Variants in ZDHHC17 observed in about 807,000 individuals in gnomAD.
The protein encoded by ZDHHC17 is zDHHC palmitoyltransferase 17.
A neutral mutation model predicts 90.3 loss-of-function variants in ZDHHC17; 40 were observed. The ratio of observed to expected loss-of-function variants is 0.44; its 90% CI spans 0.34 to 0.58. ZDHHC17 has a LOEUF of 0.58. Ranked by LOEUF, ZDHHC17 falls within the 20% of genes least tolerant of loss-of-function variation. The pLI, the probability that ZDHHC17 is intolerant of heterozygous loss-of-function variation, is 0.01. For synonymous variants in ZDHHC17, 235 were observed against 252.4 expected, an observed-to-expected ratio of 0.93 and a Z score of 0.65; for missense variants, 614 against 780.8, an observed-to-expected ratio of 0.79 and a Z score of 2.55.
At chr12:76,832,209 C>A (rs573591061) in intron 10 of ZDHHC17, among the ~76,000 whole-genome samples, 1 of 152,278 alleles carries the variant, frequency 6.6e-6, no homozygotes, top group African/African-American at 2.4e-5. Flanking sequence ...GGATGTTAGA[C>A]AGGAAATAGC....
chr12:76,788,688 A>ATTTTTTTTTTTT lies in ZDHHC17; in HGVS notation c.94-8731_94-8720dup, dbSNP rs763269507. Among the ~76,000 whole-genome samples the ATTTTTTTTTTTT allele has an allele frequency of 2.5e-3, 248 of 98,666 alleles. 15 individuals carry two copies. Among genetic ancestry groups the ATTTTTTTTTTTT allele is most frequent in the African/African-American group, 4.9e-3 (123 of 25,132 alleles). The allele number at this position is 98,666 out of a possible 152,430, so 64.7% of individuals were successfully genotyped here. A position where few individuals can be genotyped will look rare whatever the true frequency, so the allele number is the denominator to read the frequency against. On this transcript the variant is annotated intron_variant, in intron 1 of 16. Transcript: ENST00000426126. ...AAAATATATTTAAGTTGGAATCGCAATTTTTTTTTTTTTTTTTTTTTTTTT... is the reference window on the plus strand; with the variant it reads ...AAAATATATTTAAGTTGGAATCGCAATTTTTTTTTTTTTTTTTTTTTTTTTTTTTTTTTTTTT...
At chr12:76,784,970 G>A (rs1288825849) in intron 1 of ZDHHC17, among the ~76,000 whole-genome samples, 1 of 152,166 alleles carries the variant, frequency 6.6e-6, no homozygotes, top group Non-Finnish European at 1.5e-5. Context: ...TTATGAGAAG[G>A]CTAGCCAAAG....
intron 1 of ZDHHC17, among the ~76,000 whole-genome samples, chr12:76,779,087 G>T (rs1952595288): frequency 6.6e-6 from 1 of 152,136 alleles, no homozygotes; most frequent in Non-Finnish European, 1.5e-5. Context: ...GAGGTACAGG[G>T]GTTAGAGCTT....
intron 1 of ZDHHC17, among the ~76,000 whole-genome samples, chr12:76,783,651 C>A (rs557396468): frequency 2.6e-5 from 4 of 152,200 alleles, no homozygotes; most frequent in Non-Finnish European, 5.9e-5. Context: ...TTATTTTCAT[C>A]CTTTAATAGG....
In ZDHHC17 at chr12:76,851,979, C is replaced by T. The variant is rs1953572804; in HGVS notation, c.*994C>T. The T allele has an allele frequency of 6.6e-6, 1 of 152,446 alleles. No homozygotes were observed. The highest frequency in any genetic ancestry group is 2.4e-5 in the African/African-American group (1 of 41,400). 9.4% of individuals were successfully genotyped at this position (152,446 alleles called of 1,614,324 possible). ...GATGGAGCATGATCTAAGTACATAG[C>T]ACATGTGAATAAAAGAAAAGCTGAC... On this transcript the variant is annotated 3_prime_UTR_variant, in exon 17 of 17. Coordinates refer to ENST00000426126, the MANE Select transcript of ZDHHC17 (RefSeq NM_015336.4).
In ZDHHC17 at chr12:76,822,459, C is replaced by T; in HGVS notation, c.825C>T (p.Asn275=). 6.2e-7 allele frequency: 1 copy of T among 1,613,496 alleles called. No individual in the cohort carries two copies. Among genetic ancestry groups the T allele is most frequent in the Non-Finnish European group, 8.5e-7 (1 of 1,179,786 alleles). The change falls in exon 8 of 17, where the codon AAC becomes AAT. Residue 275 remains asparagine, a synonymous_variant. Transcript: ENST00000426126. ...AGAGAAAAAATGTGTGGATGATCAA[C>T]CACTTACAAGAGGCAAGGCAAGCAA... The part of the protein sequence containing the change: ...AKQRKNVWMI[N]HLQEARQAKG...
intron 15 of ZDHHC17, among the ~76,000 whole-genome samples, chr12:76,848,812 C>G (rs1953525600): frequency 3.9e-5 from 6 of 152,090 alleles, no homozygotes; most frequent in Admixed American, 3.9e-4. Context: ...TGCACAGTGT[C>G]AAGTAACCTG....
chr12:76,815,624 C>G (rs1301285074), intron 6 of ZDHHC17, among the ~76,000 whole-genome samples: 1 of 151,558 alleles, frequency 6.6e-6, no homozygotes. Context: ...ATATCAGGAC[C>G]AAGTTGCTTA....
Position 76,764,210 on chromosome 12 carries a change from C to T in ZDHHC17, c.-27C>T. The T allele has an allele frequency of 6.4e-7, 1 of 1,551,138 alleles. No individual in the cohort carries two copies. The highest frequency in any genetic ancestry group is 8.7e-7 in the Non-Finnish European group (1 of 1,146,648). Reference sequence around the variant, plus strand: ...CTCGCCCTCCGCCTCGCCCGAGCCCCGGGAGGGTGAAACGCTTTCTCCCAG... The same window carrying T: ...CTCGCCCTCCGCCTCGCCCGAGCCCTGGGAGGGTGAAACGCTTTCTCCCAG... On this transcript the variant is annotated 5_prime_UTR_variant, in exon 1 of 17. Coordinates refer to ENST00000426126, the MANE Select transcript of ZDHHC17 (RefSeq NM_015336.4).
At chr12:76,788,853 C>A (rs533212940) in intron 1 of ZDHHC17, among the ~76,000 whole-genome samples, 1 of 151,740 alleles carries the variant, frequency 6.6e-6, no homozygotes, top group Non-Finnish European at 1.5e-5. Context: ...TGCACCACCA[C>A]GCCCAGCTAA....
At position 76,790,895 on chromosome 12, in the gene ZDHHC17, T is replaced by C. The variant is rs78606416; in HGVS notation, c.94-6539T>C. On this transcript the variant is annotated intron_variant, in intron 1 of 16. Transcript: ENST00000426126. The stretch of plus-strand genomic sequence containing the variant: ...GCTAGTTAGGAGGAATAAGTCCTAG[T>C]GTTCTATAGTATTACAGACTGACTA... 5.7e-3 allele frequency among the ~76,000 whole-genome samples: 812 copies of C among 143,394 alleles called. 5 individuals are homozygous for C. The highest frequency in any genetic ancestry group is 9.0e-3 in the Non-Finnish European group (592 of 65,538). 94.1% of individuals were successfully genotyped at this position (143,394 alleles called of 152,430 possible).
rs1294113431 is a variant in ZDHHC17 at position 76,852,946 on chromosome 12, TTTTAA to T, written c.*1965_*1969del. 1 of 152,610 alleles carries T rather than the reference TTTTAA, an allele frequency of 6.6e-6. No homozygotes were observed. Among genetic ancestry groups the T allele is most frequent in the Non-Finnish European group, 1.5e-5 (1 of 68,020 alleles). 9.5% of individuals were successfully genotyped at this position (152,610 alleles called of 1,614,324 possible). On this transcript the variant is annotated 3_prime_UTR_variant, in exon 17 of 17. Transcript: ENST00000426126. ...GTTATTTATAAAATGCTAGAATTTGTTTTAATTTTTTGTATTTTGAGCCACTTCAC... is the reference window on the plus strand; with the variant it reads ...GTTATTTATAAAATGCTAGAATTTGTTTTTTTGTATTTTGAGCCACTTCAC...
chr12:76,830,609 T>C (rs1188914353), intron 10 of ZDHHC17, among the ~76,000 whole-genome samples: 1 of 152,180 alleles, frequency 6.6e-6, no homozygotes. Flanking sequence ...ATCTGTTGGT[T>C]TTCATTACCT....
intron 1 of ZDHHC17, chr12:76,781,822 A>G: frequency 2.6e-6 from 1 of 377,918 alleles, no homozygotes; most frequent in Non-Finnish European, 5.2e-6. Flanking sequence ...TACATTGAAT[A>G]AAGTAGAGCT....
At chr12:76,844,385 C>CT (rs1233499078) in intron 12 of ZDHHC17, 2 of 152,102 alleles carry the variant, frequency 1.3e-5, no homozygotes, top group African/African-American at 4.8e-5. Context: ...GTCCCTAAGG[C>CT]TTGTAGATCA....
rs1953570309 is a variant in ZDHHC17 at position 76,851,756 on chromosome 12, A to G, written c.*771A>G. 1 of 152,692 alleles carries G rather than the reference A, an allele frequency of 6.5e-6. No homozygotes were observed. The allele number at this position is 152,692 out of a possible 1,614,324, so 9.5% of individuals were successfully genotyped here. On this transcript the variant is annotated 3_prime_UTR_variant, in exon 17 of 17. Coordinates refer to ENST00000426126, the MANE Select transcript of ZDHHC17 (RefSeq NM_015336.4). ...CACCACATAGAATGTATACTAGCAG[A>G]TACTATCCAGTGAAGCATAAATTAG...
At chr12:76,772,888 C>T (rs1251623667) in intron 1 of ZDHHC17, among the ~76,000 whole-genome samples, 1 of 150,330 alleles carries the variant, frequency 6.7e-6, no homozygotes, top group Non-Finnish European at 1.5e-5. Context: ...TGGAGTTTTG[C>T]TCTTGTTGCC....
At position 76,826,966 on chromosome 12, in the gene ZDHHC17, T is replaced by G. The variant is rs1953237268; in HGVS notation, c.956T>G (p.Phe319Cys). 1 of 1,552,218 alleles carries G rather than the reference T, an allele frequency of 6.4e-7. No homozygotes were observed. The highest frequency in any genetic ancestry group is 1.4e-5 in the African/African-American group (1 of 70,618). The change falls in exon 9 of 17, where the codon TTT (phenylalanine) becomes TGT (cysteine). Residue 319 changes from phenylalanine to cysteine, a missense_variant. By Grantham distance (205) the Phe-to-Cys change is radical (BLOSUM62 -2). Around this residue, in one of 5 missense-constraint regions of ZDHHC17, gnomAD observed 117 missense variants for 183.6 expected, o/e 0.64. Coordinates refer to ENST00000426126, the MANE Select transcript of ZDHHC17 (RefSeq NM_015336.4). The stretch of plus-strand genomic sequence containing the variant: ...TTCCTAGTTATTTGGCTGGTTGGGT[T>G]TATAGCAGACCTAAATATTGATTCT... ...TPFLVIWLVGFIADLNIDSWL... is the reference protein window; with the variant it reads ...TPFLVIWLVGCIADLNIDSWL...
chr12:76,797,562 T>C, intron 2 of ZDHHC17, 25 bp downstream of exon 2: 2 of 1,522,554 alleles, frequency 1.3e-6, no homozygotes, highest in Non-Finnish European at 1.8e-6. Context: ...GTAGTTGTTT[T>C]CTTTGGCATG....
Sources: gnomAD v4.1 joint callset for allele counts (sites outside exome capture counted in the v4.1 genomes callset) on GRCh38, gnomAD v4.1.1 for gene constraint, gnomAD v4.1.1 regional missense constraint, MANE v1.5 for transcripts, NCBI Gene and HGNC (gene_info 2026-07-23, HGNC 2026-07-21) for gene names.